SEC16B: variants seen among roughly 807,000 people sequenced by gnomAD.
SEC16B encodes SEC16 homolog B, endoplasmic reticulum export factor.
SEC16B carries 115 observed loss-of-function variants against 141.8 expected under a neutral mutation model. The ratio of observed to expected loss-of-function variants is 0.81; its 90% CI spans 0.70 to 0.95. The LOEUF (loss-of-function observed/expected upper bound fraction) is 0.95, where lower values mean the gene tolerates loss of function less well. Ranked by LOEUF, SEC16B falls within the 40% of genes least tolerant of loss-of-function variation. The pLI is 0.00. For missense variants in SEC16B, 1,291 were observed against 1,312.3 expected (o/e 0.98, Z 0.25); for synonymous variants, 493 against 492.5 (o/e 1.00, Z -0.01).
At chr1:177,933,447 G>A in intron 21 of SEC16B, 37 bp downstream of exon 21, 1 of 1,602,246 alleles carries the variant, frequency 6.2e-7, no homozygotes, top group South Asian at 1.1e-5. Flanking sequence ...AATGGCAGGG[G>A]AAGGAAGGCA....
In SEC16B at chr1:177,941,973, C is replaced by T; in HGVS notation, c.1949G>A (p.Cys650Tyr). Residue 650 changes from cysteine (C) to tyrosine (Y), a missense_variant, in exon 16 of 26, where the codon TGC becomes TAC. Cys to Tyr is a radical substitution (Grantham distance 194). Coordinates refer to ENST00000308284, the MANE Select transcript of SEC16B (RefSeq NM_033127.4). ...CAAGACAGCTGCACCAATGGCTTCG[C>T]AGTAATGCAAAGCCTGGGACACGAG... is the stretch of plus-strand genomic sequence containing the variant. ...YGLVSQALHYCEAIGAAVLSQ... is the reference protein window; with the variant it reads ...YGLVSQALHYYEAIGAAVLSQ... 1 of 1,613,990 alleles carries T rather than the reference C, an allele frequency of 6.2e-7. No homozygotes were observed. The highest frequency in any genetic ancestry group is 8.5e-7 in the Non-Finnish European group (1 of 1,179,892).
chr1:177,979,648 A>G (rs1654320678), intron 1 of SEC16B, among the ~76,000 whole-genome samples: 1 of 152,212 alleles, frequency 6.6e-6, no homozygotes, highest in South Asian at 2.1e-4. Context: ...GTATTAGTCC[A>G]TTTTCATGCT....
At chr1:177,976,391 G>A (rs1362622365) in intron 1 of SEC16B, among the ~76,000 whole-genome samples, 1 of 152,130 alleles carries the variant, frequency 6.6e-6, no homozygotes, top group Non-Finnish European at 1.5e-5. Flanking sequence ...GCAGGCAGAG[G>A]TGACTCATAA....
upstream of SEC16B, among the ~76,000 whole-genome samples, chr1:177,972,897 T>TG (rs139269560): frequency 6.6e-6 from 1 of 152,296 alleles, no homozygotes; most frequent in East Asian, 1.9e-4. Context: ...CTCCTCTCTC[T>TG]CTCTGCTCTC....
intron 1 of SEC16B, among the ~76,000 whole-genome samples, chr1:177,982,161 G>A (rs1654444125): frequency 6.6e-6 from 1 of 152,134 alleles, no homozygotes. Flanking sequence ...GTGCCCACTG[G>A]AGTCCATAGG....
At chr1:177,981,288 A>G (rs1654403134) in intron 1 of SEC16B, among the ~76,000 whole-genome samples, 3 of 152,134 alleles carry the variant, frequency 2.0e-5, no homozygotes, top group Non-Finnish European at 4.4e-5. Context: ...CTCTTGCTCT[A>G]TGAATGAGCA....
chr1:177,933,981 C>T (rs1650646396), intron 20 of SEC16B, among the ~76,000 whole-genome samples: 1 of 150,992 alleles, frequency 6.6e-6, no homozygotes, highest in African/African-American at 2.5e-5. Context: ...CCACAGAGGC[C>T]CACAAGCTCC....
chr1:177,954,840 A>G (rs1652475470), intron 10 of SEC16B, among the ~76,000 whole-genome samples: 1 of 152,218 alleles, frequency 6.6e-6, no homozygotes. Flanking sequence ...ATATACATAT[A>G]TATCATGTCG....
intron 1 of SEC16B, among the ~76,000 whole-genome samples, chr1:177,980,145 C>A (rs1331732627): frequency 6.6e-6 from 1 of 152,160 alleles, no homozygotes; most frequent in Non-Finnish European, 1.5e-5. Context: ...TTCCCTTTTA[C>A]ACTTAGGATG....
At chr1:177,970,344 C>T (rs1653881487), upstream of SEC16B, 1 of 152,208 alleles carries the variant, frequency 6.6e-6, no homozygotes, top group East Asian at 1.9e-4. Context: ...GTTACTTAAC[C>T]TCTCCGAGTT....
At chr1:177,973,416 T>G (rs1362982422), upstream of SEC16B, 1 of 152,232 alleles carries the variant, frequency 6.6e-6, no homozygotes, top group Non-Finnish European at 1.5e-5. Flanking sequence ...TTCTTCCTCT[T>G]GCTTATCCAT....
At position 177,964,670 on chromosome 1, in the gene SEC16B, A is replaced by T. The variant is rs144712278; in HGVS notation, c.533+377T>A. 3.9e-3 allele frequency among the ~76,000 whole-genome samples: 593 copies of T among 152,330 alleles called. 6 individuals carry two copies. The highest frequency in any genetic ancestry group is 0.014 in the African/African-American group (580 of 41,584). On this transcript the variant is annotated intron_variant, in intron 4 of 25. Transcript: ENST00000308284. ...GGGAGATGGCCCATTCTCAGGGCTC[A>T]GGCGTAGGCTGAGGAAAAGCACCAC...
chr1:177,951,635 G>T (rs1439069756), intron 12 of SEC16B, among the ~76,000 whole-genome samples: 2 of 152,182 alleles, frequency 1.3e-5, no homozygotes, highest in Admixed American at 1.3e-4. Flanking sequence ...GACAGATCCT[G>T]ACCCCACTAC....
intron 12 of SEC16B, 97 bp from the exon 13 acceptor site, chr1:177,948,039 A>G (rs1234152664): frequency 3.0e-5 from 29 of 978,686 alleles, no homozygotes; most frequent in Non-Finnish European, 4.1e-5. Context: ...AGAAGTGGTC[A>G]GAGAATGCCC....
At chr1:177,946,182 T>A in intron 14 of SEC16B, 1 of 603,324 alleles carries the variant, frequency 1.7e-6, no homozygotes. Context: ...CACAAAGGCA[T>A]CAGCCCACCT....
intron 14 of SEC16B, chr1:177,946,030 G>C (rs1651675564): frequency 2.5e-6 from 1 of 403,020 alleles, no homozygotes; most frequent in Admixed American, 4.2e-5. Context: ...TTCCAGTTTT[G>C]CCTGGGTAGG....
upstream of SEC16B, among the ~76,000 whole-genome samples, chr1:177,974,295 T>TC (rs1434702459): frequency 1.3e-5 from 2 of 152,126 alleles, no homozygotes; most frequent in African/African-American, 4.8e-5. Flanking sequence ...AGGAGAGATG[T>TC]GGTGGTTGAA....
chr1:177,958,465 G>A, intron 9 of SEC16B, 103 bp from the exon 10 acceptor site: 1 of 880,094 alleles, frequency 1.1e-6, no homozygotes, highest in Non-Finnish European at 1.7e-6. Flanking sequence ...TCTTCACATG[G>A]AAGCCAATTA....
rs1571337888 is a variant in SEC16B at position 177,958,178 on chromosome 1, T to C, written c.1319A>G (p.Gln440Arg). 1 of 1,564,992 alleles carries C rather than the reference T, an allele frequency of 6.4e-7. No homozygotes were observed. The highest frequency in any genetic ancestry group is 1.7e-4 in the Middle Eastern group (1 of 5,922). Residue 440 changes from glutamine to arginine, a missense_variant, in exon 10 of 26, where the codon CAG becomes CGG. Transcript: ENST00000308284. ...EIPPSVETPA[Q>R]IVEKFTRLLY... ...CAGCCTAGTGAATTTCTCCACGATC[T>C]GCGCAGGTGTCTCCACACTGGGGGG...
Sources: gnomAD v4.1 joint callset for allele counts (sites outside exome capture counted in the v4.1 genomes callset) on GRCh38, gnomAD v4.1.1 for gene constraint, MANE v1.5 for transcripts, NCBI Gene and HGNC (gene_info 2026-07-23, HGNC 2026-07-21) for gene names.